The following IFT74 variants were observed in gnomAD, a reference collection of about 807,000 sequenced individuals.
The protein encoded by IFT74 is intraflagellar transport 74.
In IFT74, 92 loss-of-function variants were observed where a neutral mutation model predicts 96.7. The observed-to-expected ratio is 0.95, with a 90% CI of 0.80 to 1.13. The LOEUF is 1.13. Ranked by LOEUF, IFT74 falls within the 50% of genes most tolerant of loss-of-function variation. IFT74 has a pLI of 0.00. For synonymous variants in IFT74, 223 were observed against 213.2 expected (o/e 1.05, Z -0.40); for missense variants, 811 against 698.2 (o/e 1.16, Z -1.82).
At chr9:26,971,854 A>C (rs185222518) in intron 2 of IFT74, among the ~76,000 whole-genome samples, 28 of 152,282 alleles carry the variant, frequency 1.8e-4, no homozygotes, top group Middle Eastern at 3.4e-3. Flanking sequence ...GAATCAGTAT[A>C]GATAGTTCCT....
At chr9:26,982,359 A>T in intron 4 of IFT74, 1 of 442,470 alleles carries the variant, frequency 2.3e-6, no homozygotes, top group Non-Finnish European at 4.5e-6. Context: ...CACCGCCTGG[A>T]TTCAAGTGAT....
chr9:27,055,388 C>G (rs1054436953), intron 16 of IFT74, among the ~76,000 whole-genome samples: 1 of 152,066 alleles, frequency 6.6e-6, no homozygotes, highest in Non-Finnish European at 1.5e-5. Flanking sequence ...TAATAGACAT[C>G]AGGTTACCTT....
Position 27,065,547 on chromosome 9 carries a change from C to A in IFT74, c.*2811C>A, listed in dbSNP as rs1383695505. Among the ~76,000 whole-genome samples the A allele has an allele frequency of 6.6e-6, 1 of 152,062 alleles. No individual in the cohort carries two copies. The highest frequency in any genetic ancestry group is 1.9e-4 in the East Asian group (1 of 5,198). ...TTTTATCAGTAAATAAACATGAGTT[C>A]TTGATATTCTTTTTCCTGTGGAGCC... On this transcript the variant is annotated 3_prime_UTR_variant, in exon 20 of 20. Coordinates refer to ENST00000380062, the MANE Select transcript of IFT74 (RefSeq NM_025103.4).
At chr9:26,979,029 C>T (rs7849248) in intron 3 of IFT74, among the ~76,000 whole-genome samples, 24,957 of 151,878 alleles carry the variant, frequency 0.16, 3,029 homozygotes, top group East Asian at 0.68. Context: ...CAGAGTTTTT[C>T]GTTTTCTGTA....
At chr9:26,950,552 A>G (rs1825900886) in intron 1 of IFT74, among the ~76,000 whole-genome samples, 1 of 152,210 alleles carries the variant, frequency 6.6e-6, no homozygotes, top group Non-Finnish European at 1.5e-5. Context: ...AATAAGCAAA[A>G]AACAAACTAA....
At chr9:26,990,010 C>G (rs1827797261) in intron 7 of IFT74, 124 bp from the exon 8 acceptor site, 3 of 455,920 alleles carry the variant, frequency 6.6e-6, no homozygotes, top group Non-Finnish European at 7.9e-6. Context: ...TCTTCTTAAA[C>G]TTTGTATGTG....
rs372929953 is a variant in IFT74 at position 27,046,439 on chromosome 9, TTC to T, written c.1109-833_1109-832del. On this transcript the variant is annotated intron_variant, in intron 14 of 19. Transcript: ENST00000380062. ...AGTAAAATTATTTTTGACTGAAAGT[TTC>T]TATTTTTTAGATGCTCCATAGAAAT... Among the ~76,000 whole-genome samples the T allele has an allele frequency of 5.9e-5, 9 of 152,318 alleles. No homozygotes were observed. In the South Asian group the frequency reaches 8.3e-4, roughly 14 times the overall value.
Position 26,989,206 on chromosome 9 carries a change from C to T in IFT74, c.525+478C>T, listed in dbSNP as rs1026067510. 1.1e-4 allele frequency among the ~76,000 whole-genome samples: 16 copies of T among 152,000 alleles called. 1 individual carries two copies. The highest frequency in any genetic ancestry group is 2.4e-4 in the African/African-American group (10 of 41,446). On this transcript the variant is annotated intron_variant, in intron 7 of 19. Transcript: ENST00000380062. The stretch of plus-strand genomic sequence containing the variant: ...TAACATGGACATAACACTGGGGACT[C>T]CAAAAAGGGGGATGGTAGGAGGGCA...
intron 13 of IFT74, among the ~76,000 whole-genome samples, chr9:27,030,547 CAAA>C (rs60150925): frequency 3.5e-5 from 4 of 115,472 alleles, no homozygotes; most frequent in Non-Finnish European, 3.4e-5. Context: ...GACTCCGTCT[CAAA>C]AAAAAAAAAA....
chr9:26,959,181 T>C (rs62542660), intron 1 of IFT74, among the ~76,000 whole-genome samples: 9,595 of 152,234 alleles, frequency 0.063, 352 homozygotes, highest in Middle Eastern at 0.15. Context: ...CGATCTCAGC[T>C]CACTGCAAGC....
intron 8 of IFT74, chr9:26,998,379 C>G (rs1828287365): frequency 2.0e-6 from 1 of 502,736 alleles, no homozygotes; most frequent in East Asian, 3.3e-5. Flanking sequence ...TTTGGTGTTA[C>G]AGTAGAGCAA....
rs1436253721 is a variant in IFT74, at chr9:27,006,834, T to G, written c.588-2186T>G. ...TTTTGTTTACTTATTATTGTGTGTT[T>G]TTTTTTTTTTTTTTTTTTTTGAGAT... On this transcript the variant is annotated intron_variant, in intron 8 of 19. Transcript: ENST00000380062. 8.6e-5 allele frequency among the ~76,000 whole-genome samples: 11 copies of G among 127,536 alleles called. No homozygotes were observed. The South Asian group carries it at 1.1e-3, about 13-fold the overall frequency. The allele number at this position is 127,536 out of a possible 152,430, so 83.7% of individuals were successfully genotyped here. A position where few individuals can be genotyped will look rare whatever the true frequency, so the allele number is the denominator to read the frequency against.
intron 13 of IFT74, among the ~76,000 whole-genome samples, chr9:27,040,365 A>G (rs1036745986): frequency 1.3e-5 from 2 of 151,978 alleles, no homozygotes; most frequent in Non-Finnish European, 2.9e-5. Context: ...ATCCTGGCCA[A>G]CATAGTGAAA....
intron 12 of IFT74, among the ~76,000 whole-genome samples, chr9:27,023,770 C>T (rs979944779): frequency 3.3e-5 from 5 of 152,162 alleles, no homozygotes; most frequent in African/African-American, 1.2e-4. Context: ...AACATAACTT[C>T]TTTGGCCTGA....
At chr9:26,980,863 A>G (rs932908918) in intron 4 of IFT74, among the ~76,000 whole-genome samples, 3 of 152,208 alleles carry the variant, frequency 2.0e-5, no homozygotes, top group Admixed American at 6.5e-5. Flanking sequence ...TTGCATGTAC[A>G]TGAGCTATAT....
At chr9:26,988,626 G>C in intron 6 of IFT74, 43 bp from the exon 7 acceptor site, 1 of 1,493,252 alleles carries the variant, frequency 6.7e-7, no homozygotes, top group Non-Finnish European at 9.1e-7. Flanking sequence ...CATGTGTAAA[G>C]ACTAACAAAA....
chr9:26,976,433 T>C (rs1827131261), intron 2 of IFT74: 1 of 180,798 alleles, frequency 5.5e-6, no homozygotes, highest in Non-Finnish European at 1.2e-5. Context: ...ATTCCTAATG[T>C]GACTCCTGCC....
chr9:26,999,535 T>C (rs762784934), intron 8 of IFT74: 59 of 1,057,612 alleles, frequency 5.6e-5, no homozygotes, highest in Non-Finnish European at 7.9e-5. Flanking sequence ...TGCTTTCTTA[T>C]TGCCCTTTTA....
intron 2 of IFT74, among the ~76,000 whole-genome samples, chr9:26,964,284 CG>C (rs1362755793): frequency 7.1e-6 from 1 of 139,880 alleles, no homozygotes; most frequent in African/African-American, 2.6e-5. Flanking sequence ...AGATATACGG[CG>C]TTATTTCTGA....
Sources: gnomAD v4.1 joint callset for allele counts (sites outside exome capture counted in the v4.1 genomes callset) on GRCh38, gnomAD v4.1.1 for gene constraint, MANE v1.5 for transcripts, NCBI Gene and HGNC (gene_info 2026-07-23, HGNC 2026-07-21) for gene names.